The following LONP2 variants were observed in gnomAD, a reference collection of about 807,000 sequenced individuals.
The protein encoded by LONP2 is lon peptidase 2, peroxisomal.
In LONP2, 60 loss-of-function variants were observed where a neutral mutation model predicts 85.6. The observed-to-expected ratio is 0.70, with a 90% CI of 0.57 to 0.87. LONP2 has a LOEUF of 0.87. Among genes scored for constraint, LONP2 ranks in the 40% least tolerant of loss-of-function variants. The pLI, the probability that LONP2 is intolerant of heterozygous loss-of-function variation, is 0.00. For missense variants in LONP2, 860 were observed against 1,063.5 expected (o/e 0.81, Z 2.66); for synonymous variants, 395 against 389.7 (o/e 1.01, Z -0.16).
At chr16:48,286,716 C>T (rs576725259) in intron 8 of LONP2, among the ~76,000 whole-genome samples, 4 of 152,042 alleles carry the variant, frequency 2.6e-5, no homozygotes, top group Admixed American at 6.5e-5. Flanking sequence ...AGGCTGGTCT[C>T]GAACTCCTGA....
chr16:48,349,274 TTTC>T (rs1006515419), intron 14 of LONP2, among the ~76,000 whole-genome samples: 22 of 152,102 alleles, frequency 1.4e-4, no homozygotes, highest in Admixed American at 1.4e-3. Context: ...ATAGTCTTTT[TTTC>T]TTTTTTCTAT....
chr16:48,283,063 G>A (rs11076562), intron 8 of LONP2, among the ~76,000 whole-genome samples: 31,682 of 152,156 alleles, frequency 0.21, 4,071 homozygotes, highest in African/African-American at 0.36. Context: ...CCCTTAAGCC[G>A]AAACCTAGTC....
chr16:48,332,856 C>T (rs1337816533), intron 11 of LONP2, among the ~76,000 whole-genome samples: 6 of 152,082 alleles, frequency 3.9e-5, no homozygotes, highest in Non-Finnish European at 7.4e-5. Context: ...TGCAGTGAGC[C>T]GAGATTGCAC....
At position 48,347,719 on chromosome 16, in the gene LONP2, G is replaced by T. The variant is rs1960014059; in HGVS notation, c.2146+5G>T. The T allele has an allele frequency of 2.5e-6, 4 of 1,610,618 alleles. No individual in the cohort carries two copies. The highest frequency in any genetic ancestry group is 1.3e-5 in the African/African-American group (1 of 74,882). On this transcript the variant is annotated splice_donor_5th_base_variant and intron_variant, in intron 13 of 14. Coordinates refer to ENST00000285737, the MANE Select transcript of LONP2 (RefSeq NM_031490.5). ...AGAAGTACCAGCTGACCAATGGTAG[G>T]AGCCTGCACCCGGCCAGGCAGGCGT... is the stretch of plus-strand genomic sequence containing the variant.
downstream of LONP2, chr16:48,361,232 C>T (rs761476863): frequency 1.6e-5 from 4 of 257,346 alleles, no homozygotes; most frequent in South Asian, 4.3e-5. Context: ...CACACCCACG[C>T]AGGCACACAC....
intron 5 of LONP2, among the ~76,000 whole-genome samples, 191 bp downstream of exon 5, chr16:48,261,778 T>C (rs1971884847): frequency 6.6e-6 from 1 of 151,952 alleles, no homozygotes; most frequent in Non-Finnish European, 1.5e-5. Context: ...TGCTTCTTTG[T>C]TTATACGTAA....
In LONP2 at chr16:48,252,213, T is replaced by C; in HGVS notation, c.316T>C (p.Cys106Arg). 1 of 1,614,224 alleles carries C rather than the reference T, an allele frequency of 6.2e-7. No homozygotes were observed. The highest frequency in any genetic ancestry group is 1.7e-5 in the Admixed American group (1 of 60,030). ...PHYTLLITGL[C>R]RFQIVQVLKE... ...CTACACTCTGTTGATTACAGGCCTATGCCGTTTCCAGATTGTACAGGTCTT... is the reference window on the plus strand; with the variant it reads ...CTACACTCTGTTGATTACAGGCCTACGCCGTTTCCAGATTGTACAGGTCTT... Residue 106 changes from cysteine (C) to arginine (R), a missense_variant, in exon 2 of 15, where the codon TGC becomes CGC. Around this residue, in one of 3 missense-constraint regions of LONP2, gnomAD observed 743 missense variants for 917.3 expected, o/e 0.81. Coordinates refer to ENST00000285737, the MANE Select transcript of LONP2 (RefSeq NM_031490.5).
At position 48,303,481 on chromosome 16, in the gene LONP2, G is replaced by T. The variant is rs556306578; in HGVS notation, c.1795+176G>T. ...ATGTTTCAACATATTTCATCCAGAG[G>T]ATTGTCTTTTACAAATAGCACAGTT... On this transcript the variant is annotated intron_variant, in intron 11 of 14. Coordinates refer to ENST00000285737, the MANE Select transcript of LONP2 (RefSeq NM_031490.5). Among the ~76,000 whole-genome samples, 120 of 152,298 alleles carry T rather than the reference G, an allele frequency of 7.9e-4. 1 individual carries two copies. Among genetic ancestry groups the T allele is most frequent in the Non-Finnish European group, 1.6e-4 (11 of 68,020 alleles).
At chr16:48,279,676 A>C (rs1345718660) in intron 8 of LONP2, among the ~76,000 whole-genome samples, 2 of 152,172 alleles carry the variant, frequency 1.3e-5, no homozygotes, top group Non-Finnish European at 2.9e-5. Context: ...GGGATCTGGG[A>C]TCTGACTGCT....
At chr16:48,326,615 C>T (rs1003986499) in intron 11 of LONP2, among the ~76,000 whole-genome samples, 6 of 152,172 alleles carry the variant, frequency 3.9e-5, no homozygotes, top group Non-Finnish European at 5.9e-5. Context: ...GTGGGTGTTG[C>T]GCTTTTTATG....
At chr16:48,284,475 C>T (rs1429593526) in intron 8 of LONP2, among the ~76,000 whole-genome samples, 1 of 152,180 alleles carries the variant, frequency 6.6e-6, no homozygotes, top group African/African-American at 2.4e-5. Context: ...TAACTTTCAG[C>T]AGCCACCACC....
chr16:48,246,461 T>C (rs1485961633), intron 1 of LONP2, among the ~76,000 whole-genome samples: 3 of 152,266 alleles, frequency 2.0e-5, no homozygotes, highest in Non-Finnish European at 4.4e-5. Context: ...GCATATGTAT[T>C]GATTAGCCAT....
Position 48,299,711 on chromosome 16 carries a change from C to T in LONP2, c.1584C>T (p.Pro528=). The change falls in exon 10 of 15, where the codon CCC becomes CCT. Residue 528 remains proline, a synonymous_variant. Coordinates refer to ENST00000285737, the MANE Select transcript of LONP2 (RefSeq NM_031490.5). ...AGATTGCCCATAGGCACTTGATCCCCAAGCAGCTGGAACAACATGGGCTGA... is the reference window on the plus strand; with the variant it reads ...AGATTGCCCATAGGCACTTGATCCCTAAGCAGCTGGAACAACATGGGCTGA... ...KIEIAHRHLI[P]KQLEQHGLTP... 6.2e-7 allele frequency: 1 copy of T among 1,613,958 alleles called. No homozygotes were observed. Among genetic ancestry groups the T allele is most frequent in the Non-Finnish European group, 8.5e-7 (1 of 1,179,916 alleles).
intron 2 of LONP2, among the ~76,000 whole-genome samples, chr16:48,252,697 C>G (rs887815691): frequency 6.6e-6 from 1 of 152,154 alleles, no homozygotes; most frequent in Admixed American, 6.5e-5. Context: ...ACTAAAATAT[C>G]TAGGCACCAT....
At chr16:48,250,745 T>C in intron 1 of LONP2, among the ~76,000 whole-genome samples, 1 of 152,222 alleles carries the variant, frequency 6.6e-6, no homozygotes, top group East Asian at 1.9e-4. Flanking sequence ...TAATTATGTT[T>C]AAGTTATTCT....
chr16:48,319,510 A>G (rs1973217609), intron 11 of LONP2, among the ~76,000 whole-genome samples: 2 of 152,206 alleles, frequency 1.3e-5, no homozygotes, highest in South Asian at 4.1e-4. Context: ...GTTTTAATAT[A>G]AAATTAATAT....
chr16:48,330,279 A>G, intron 11 of LONP2, among the ~76,000 whole-genome samples: 1 of 152,388 alleles, frequency 6.6e-6, no homozygotes, highest in East Asian at 1.9e-4. Context: ...ATAAGAAGAA[A>G]ACTGCACAAT....
chr16:48,305,346 C>T (rs973497562), intron 11 of LONP2, among the ~76,000 whole-genome samples: 6 of 152,166 alleles, frequency 3.9e-5, no homozygotes, highest in Admixed American at 2.6e-4. Context: ...CCTCCGTCTC[C>T]GAGGTTCAAG....
intron 8 of LONP2, among the ~76,000 whole-genome samples, chr16:48,283,777 G>T (rs1244697970): frequency 6.6e-6 from 1 of 152,130 alleles, no homozygotes; most frequent in African/African-American, 2.4e-5. Context: ...GGATCAAGGA[G>T]TTATTTTAAC....
Sources: allele counts gnomAD v4.1 joint callset (sites outside exome capture counted in the v4.1 genomes callset), GRCh38; gene constraint gnomAD v4.1.1; regional missense constraint gnomAD v4.1.1; transcripts MANE v1.5; gene names NCBI Gene and HGNC (gene_info 2026-07-23, HGNC 2026-07-21).